PTPRO: variants seen among roughly 807,000 people sequenced by gnomAD.
PTPRO encodes the protein protein tyrosine phosphatase receptor type O, also known as receptor-type tyrosine-protein phosphatase O.
Under a neutral mutation model 145.2 loss-of-function variants are expected in PTPRO, and 62 were observed. The ratio of observed to expected loss-of-function variants is 0.43; its 90% CI spans 0.35 to 0.53. The LOEUF is 0.53. Among genes scored for constraint, PTPRO ranks in the 20% least tolerant of loss-of-function variants. PTPRO has a pLI of 0.01. For missense variants in PTPRO, 1,345 were observed against 1,482.7 expected, an observed-to-expected ratio of 0.91 and a Z score of 1.53; for synonymous variants, 565 against 514.7, an observed-to-expected ratio of 1.10 and a Z score of -1.32.
At chr12:15,507,447 A>C (rs146143270) in intron 6 of PTPRO, among the ~76,000 whole-genome samples, 1 of 44,924 alleles carries the variant, frequency 2.2e-5, no homozygotes, top group East Asian at 2.9e-3. Flanking sequence ...ATAAATAAAT[A>C]AATAAGGAAT....
chr12:15,544,503 T>C (rs9645735), intron 12 of PTPRO, among the ~76,000 whole-genome samples: 32,935 of 113,364 alleles, frequency 0.29, 4,464 homozygotes, highest in Middle Eastern at 0.47. Flanking sequence ...CGAGACTCCA[T>C]CTCAAAAAAA....
At chr12:15,357,680 A>G (rs1938039746) in intron 1 of PTPRO, among the ~76,000 whole-genome samples, 1 of 151,500 alleles carries the variant, frequency 6.6e-6, no homozygotes, top group South Asian at 2.1e-4. Context: ...TCAAAACCAC[A>G]GTGAGATACC....
rs759148120 is a variant in PTPRO, at chr12:15,456,536, C to T, written c.76-27438C>T. On this transcript the variant is annotated intron_variant, in intron 1 of 26. Transcript: ENST00000281171. Reference sequence around the variant, plus strand: ...GATGAGTTTGGAAGTATTCTGCTTCCTAGATTCTTTGGAAGAAATTGAGAA... The same window carrying T: ...GATGAGTTTGGAAGTATTCTGCTTCTTAGATTCTTTGGAAGAAATTGAGAA... 1.8e-3 allele frequency among the ~76,000 whole-genome samples: 269 copies of T among 152,220 alleles called. 3 individuals are homozygous for T. The highest frequency in any genetic ancestry group is 1.2e-3 in the Non-Finnish European group (80 of 67,988).
At chr12:15,579,270 T>C (rs1944255935) in intron 20 of PTPRO, among the ~76,000 whole-genome samples, 1 of 152,200 alleles carries the variant, frequency 6.6e-6, no homozygotes, top group African/African-American at 2.4e-5. Context: ...TCATTGGTAA[T>C]GGAAAGAGGC....
At chr12:15,449,280 T>C (rs975411614) in intron 1 of PTPRO, among the ~76,000 whole-genome samples, 2 of 152,326 alleles carry the variant, frequency 1.3e-5, no homozygotes, top group Admixed American at 6.5e-5. Context: ...CAAGACTCAG[T>C]TATTGTTACA....
chr12:15,480,446 C>T (rs1336480073), intron 1 of PTPRO, among the ~76,000 whole-genome samples: 2 of 152,098 alleles, frequency 1.3e-5, no homozygotes, highest in African/African-American at 2.4e-5. Flanking sequence ...CATGCTTTCT[C>T]GTGGGTGGCA....
chr12:15,421,417 A>G (rs1387266018), intron 1 of PTPRO, among the ~76,000 whole-genome samples: 1 of 152,190 alleles, frequency 6.6e-6, no homozygotes, highest in Non-Finnish European at 1.5e-5. Flanking sequence ...TTAAGGAGAG[A>G]GGGAATAGGA....
At chr12:15,357,951 T>G (rs1254580939) in intron 1 of PTPRO, among the ~76,000 whole-genome samples, 6 of 151,218 alleles carry the variant, frequency 4.0e-5, no homozygotes, top group African/African-American at 7.3e-5. Flanking sequence ...GTTTATTGCG[T>G]CACTATTCAC....
chr12:15,563,829 T>A (rs1228739426), intron 17 of PTPRO, among the ~76,000 whole-genome samples: 1 of 152,148 alleles, frequency 6.6e-6, no homozygotes, highest in Non-Finnish European at 1.5e-5. Flanking sequence ...TTTTGTTCAC[T>A]CCTGATCACA....
At chr12:15,502,131 A>C in intron 5 of PTPRO, 68 bp downstream of exon 5, 2 of 1,472,544 alleles carry the variant, frequency 1.4e-6, no homozygotes, top group Admixed American at 1.7e-5. Context: ...ATGTTTTTAA[A>C]TTTGAGTTTA....
chr12:15,461,844 G>A (rs1292983278), intron 1 of PTPRO, among the ~76,000 whole-genome samples: 1 of 152,046 alleles, frequency 6.6e-6, no homozygotes, highest in African/African-American at 2.4e-5. Flanking sequence ...GGGTTTACAG[G>A]CGTGAGCAAC....
intron 12 of PTPRO, among the ~76,000 whole-genome samples, chr12:15,534,933 A>T (rs1943037599): frequency 6.6e-6 from 1 of 152,196 alleles, no homozygotes; most frequent in Non-Finnish European, 1.5e-5. Context: ...AACTTTGACT[A>T]CGGTGGTTGT....
chr12:15,343,753 T>A (rs183975885), intron 1 of PTPRO, among the ~76,000 whole-genome samples: 1 of 152,098 alleles, frequency 6.6e-6, no homozygotes, highest in Admixed American at 6.6e-5. Flanking sequence ...CAGGCTGGAG[T>A]GCAGTGGCGC....
chr12:15,407,773 G>A (rs1219456470), intron 1 of PTPRO, among the ~76,000 whole-genome samples: 1 of 152,178 alleles, frequency 6.6e-6, no homozygotes, highest in Non-Finnish European at 1.5e-5. Context: ...GAAAGGAAAA[G>A]CATACAGATG....
chr12:15,475,742 A>T (rs1039430328), intron 1 of PTPRO, among the ~76,000 whole-genome samples: 35 of 152,250 alleles, frequency 2.3e-4, no homozygotes, highest in African/African-American at 8.4e-4. Flanking sequence ...TTTAATGAAT[A>T]AACAGCCACT....
intron 1 of PTPRO, among the ~76,000 whole-genome samples, chr12:15,400,262 A>G (rs1939454843): frequency 6.6e-6 from 1 of 151,826 alleles, no homozygotes; most frequent in Admixed American, 6.6e-5. Context: ...ACGTGCTGAG[A>G]TTACAGGTGT....
At chr12:15,471,712 T>A (rs940110126) in intron 1 of PTPRO, among the ~76,000 whole-genome samples, 12 of 152,116 alleles carry the variant, frequency 7.9e-5, no homozygotes, top group Middle Eastern at 3.2e-3. Flanking sequence ...AAATAGAGGG[T>A]ATCCCCAGTG....
intron 14 of PTPRO, among the ~76,000 whole-genome samples, chr12:15,550,343 C>T (rs570666292): frequency 6.6e-6 from 1 of 152,252 alleles, no homozygotes; most frequent in African/African-American, 2.4e-5. Flanking sequence ...TCATGGTCTT[C>T]ACATTGAGTA....
chr12:15,546,080 A>T (rs543440556), intron 12 of PTPRO, among the ~76,000 whole-genome samples: 2 of 152,174 alleles, frequency 1.3e-5, no homozygotes, highest in African/African-American at 4.8e-5. Context: ...TAAATTTTCA[A>T]GCAGCCATTT....
Sources: allele counts gnomAD v4.1 joint callset (sites outside exome capture counted in the v4.1 genomes callset), GRCh38; gene constraint gnomAD v4.1.1; transcripts MANE v1.5; gene names NCBI Gene and HGNC (gene_info 2026-07-23, HGNC 2026-07-21).